PAN2: variants seen among roughly 807,000 people sequenced by gnomAD.
The protein encoded by PAN2 is PAN2-PAN3 deadenylation complex catalytic subunit PAN2.
PAN2 carries 68 observed loss-of-function variants against 133.3 expected under a neutral mutation model. The ratio of observed to expected loss-of-function variants is 0.51; its 90% confidence interval spans 0.42 to 0.62. The LOEUF (loss-of-function observed/expected upper bound fraction) is 0.62, where lower values mean the gene tolerates loss of function less well. Among genes scored for constraint, PAN2 ranks in the 20% least tolerant of loss-of-function variants. The probability of loss-of-function intolerance (pLI) is 0.00; values close to 1 mark genes in which losing one functional copy is unlikely to be tolerated. For missense variants in PAN2, 1,042 were observed against 1,500.5 expected (o/e 0.69, Z 5.05); for synonymous variants, 462 against 544.6 (o/e 0.85, Z 2.11).
intron 8 of PAN2, 95 bp from the exon 9 acceptor site, chr12:56,325,549 G>A: frequency 7.4e-7 from 1 of 1,350,206 alleles, no homozygotes; most frequent in East Asian, 2.3e-5. Context: ...ACCAAGTCCT[G>A]AACCTTCTAT....
rs1200310590 is a variant in PAN2, at chr12:56,326,613, C to A, written c.1262+4G>T. The stretch of plus-strand genomic sequence containing the variant: ...CGCCTTTTGGCCCAGAGGTAGGGTA[C>A]AACCTGGGAGCTGGAGCAGAGTTGG... On this transcript the variant is annotated splice_donor_region_variant and intron_variant, in intron 7 of 25. Transcript: ENST00000440411. 1 of 1,609,178 alleles carries A rather than the reference C, an allele frequency of 6.2e-7. No homozygotes were observed. The highest frequency in any genetic ancestry group is 2.2e-5 in the East Asian group (1 of 44,752).
chr12:56,328,268 A>C lies in PAN2; in HGVS notation c.543T>G (p.Ile181Met). 6.2e-7 allele frequency: 1 copy of C among 1,606,714 alleles called. No homozygotes were observed. The highest frequency in any genetic ancestry group is 2.2e-5 in the East Asian group (1 of 44,800). The change falls in exon 4 of 26, where the codon ATT becomes ATG. Residue 181 changes from isoleucine to methionine, a missense_variant. Ile to Met is a conservative substitution (Grantham distance 10). This residue lies in a region of PAN2 where 908 missense variants were observed against 1,223.5 expected (regional missense o/e 0.74). Coordinates refer to ENST00000440411, the MANE Select transcript of PAN2 (RefSeq NM_014871.6). Reference sequence around the variant, plus strand: ...GAGTCTCCTGGACAGTGTTAAGATCAATCTCTATTATGTGATTCTGCAGCC... The same window carrying C: ...GAGTCTCCTGGACAGTGTTAAGATCCATCTCTATTATGTGATTCTGCAGCC... Reference protein sequence around the residue: ...VGGLQNHIIEIDLNTVQETQK... With the variant: ...VGGLQNHIIEMDLNTVQETQK...
intron 2 of PAN2, among the ~76,000 whole-genome samples, chr12:56,330,704 A>G (rs912080384): frequency 6.6e-6 from 1 of 151,818 alleles, no homozygotes; most frequent in African/African-American, 2.4e-5. Context: ...TGTTGCCCAG[A>G]CTGGTATTGA....
intron 20 of PAN2, among the ~76,000 whole-genome samples, chr12:56,321,720 G>A (rs1179142897): frequency 7.3e-5 from 11 of 151,214 alleles, no homozygotes; most frequent in Non-Finnish European, 1.5e-4. Context: ...GTGTGGTGGT[G>A]GGCGTCTGTA....
At position 56,319,594 on chromosome 12, in the gene PAN2, C is replaced by T. The variant is rs1874265846; in HGVS notation, c.3090+27G>A. ...ACTGTAAGTAAGCACCAGGGTGTGCCTCACTTGCATCTCCATATCCTAATA... is the reference window on the plus strand; with the variant it reads ...ACTGTAAGTAAGCACCAGGGTGTGCTTCACTTGCATCTCCATATCCTAATA... On this transcript the variant is annotated intron_variant, in intron 22 of 25. Transcript: ENST00000440411. The surrounding 1 kb of genome is among the most constrained non-coding windows in gnomAD (Gnocchi z 5.4). 2 of 1,594,972 alleles carry T rather than the reference C, an allele frequency of 1.3e-6. No homozygotes were observed. Among genetic ancestry groups the T allele is most frequent in the African/African-American group, 1.3e-5 (1 of 74,354 alleles).
intron 25 of PAN2, 119 bp downstream of exon 25, chr12:56,318,118 A>G (rs957332769): frequency 1.0e-4 from 82 of 807,758 alleles, no homozygotes; most frequent in Non-Finnish European, 1.6e-4. Context: ...TCGAGGCTGC[A>G]GTGAGCTGTA....
At position 56,332,961 on chromosome 12, in the gene PAN2, G is replaced by A. The variant is rs1876084078; in HGVS notation, c.134C>T (p.Ala45Val). The A allele has an allele frequency of 1.2e-6, 2 of 1,614,150 alleles. No individual in the cohort carries two copies. The highest frequency in any genetic ancestry group is 1.3e-5 in the African/African-American group (1 of 75,034). ...QNVELDPEGV[A>V]LEALPVQESV... ...TTCCTGGACGGGAAGAGCCTCCAAG[G>A]CCACTCCCTCTGGGTCCAGCTCCAC... is the stretch of plus-strand genomic sequence containing the variant. The change falls in exon 2 of 26, where the codon GCC (alanine) becomes GTC (valine). Residue 45 changes from alanine to valine, a missense_variant. Physicochemically the swap from Ala to Val is moderately conservative, Grantham distance 64. Transcript: ENST00000440411.
Position 56,331,711 on chromosome 12 carries a change from T to TTG in PAN2, c.282+1101_282+1102insCA, listed in dbSNP as rs1555167403. 1.5e-4 allele frequency among the ~76,000 whole-genome samples: 21 copies of TTG among 135,890 alleles called. 1 individual carries two copies. Among genetic ancestry groups the TTG allele is most frequent in the South Asian group, 1.2e-3 (5 of 4,166 alleles). 89.1% of individuals were successfully genotyped at this position (135,890 alleles called of 152,430 possible). On this transcript the variant is annotated intron_variant, in intron 2 of 25. Coordinates refer to ENST00000440411, the MANE Select transcript of PAN2 (RefSeq NM_014871.6). ...AAATGAAGGACAGCGTTTTTTTTTT[T>TTG]TTTGTTTTTTGTTTTTTTTTGAGAC... is the stretch of plus-strand genomic sequence containing the variant.
In PAN2 at chr12:56,324,166, C is replaced by T. The variant is rs1430556613; in HGVS notation, c.1948G>A (p.Asp650Asn). ...CTGAAGAGCTGCCCAATAACAGAGT[C>T]CCCCGATGAGCAAAAGCTGCTAAGA... ...AGGSSFCSSG[D>N]SVIGQLFSCE... The change falls in exon 13 of 26, where the codon GAC becomes AAC. Residue 650 changes from aspartate (D) to asparagine (N), a missense_variant. Coordinates refer to ENST00000440411, the MANE Select transcript of PAN2 (RefSeq NM_014871.6). 1.9e-6 allele frequency: 3 copies of T among 1,613,948 alleles called. No individual in the cohort carries two copies. The highest frequency in any genetic ancestry group is 2.2e-5 in the East Asian group (1 of 44,886).
At chr12:56,330,131 C>T (rs2135994233) in intron 2 of PAN2, among the ~76,000 whole-genome samples, 2 of 152,228 alleles carry the variant, frequency 1.3e-5, no homozygotes, top group Admixed American at 1.3e-4. Context: ...AGGCATGGAG[C>T]TCTGCCTCTT....
intron 19 of PAN2, 85 bp from the exon 20 acceptor site, chr12:56,322,253 G>T: frequency 9.3e-7 from 1 of 1,080,000 alleles, no homozygotes; most frequent in Non-Finnish European, 1.4e-6. Flanking sequence ...GGACTCAGGT[G>T]CTAGTTTTTG....
At position 56,322,611 on chromosome 12, in the gene PAN2, T is replaced by C; in HGVS notation, c.2637+4A>G. The stretch of plus-strand genomic sequence containing the variant: ...GTGTTCCTGCCCTCTACAACCTCAC[T>C]CACCTCCTTGCGCTGGTGGTAGGTC... On this transcript the variant is annotated splice_donor_region_variant and intron_variant, in intron 18 of 25. Coordinates refer to ENST00000440411, the MANE Select transcript of PAN2 (RefSeq NM_014871.6). 6.2e-7 allele frequency: 1 copy of C among 1,614,056 alleles called. No individual in the cohort carries two copies. The highest frequency in any genetic ancestry group is 8.5e-7 in the Non-Finnish European group (1 of 1,179,960).
Position 56,328,578 on chromosome 12 carries a change from T to C in PAN2, c.346A>G (p.Ser116Gly), listed in dbSNP as rs779547920. ...CTCTGGATCTGCCGAATATCATCAC[T>C]GCCATTGACTTGAAAGGATGAGTAG... is the stretch of plus-strand genomic sequence containing the variant. ...ERYSSFQVNG[S>G]DDIRQIQSLE... is the part of the protein sequence containing the mutation. The change falls in exon 3 of 26, where the codon AGT becomes GGT. Residue 116 changes from serine to glycine, a missense_variant. This residue lies in a region of PAN2 where 908 missense variants were observed against 1,223.5 expected (regional missense o/e 0.74). Coordinates refer to ENST00000440411, the MANE Select transcript of PAN2 (RefSeq NM_014871.6). The C allele has an allele frequency of 1.2e-6, 2 of 1,614,198 alleles. No individual in the cohort carries two copies. Among genetic ancestry groups the C allele is most frequent in the Admixed American group, 3.3e-5 (2 of 60,034 alleles).
rs752242573 is a variant in PAN2 at position 56,323,630 on chromosome 12, G to T, written c.2173-32C>A. The T allele has an allele frequency of 3.8e-6, 6 of 1,589,628 alleles. No homozygotes were observed. The South Asian group carries it at 6.6e-5, about 18-fold the overall frequency. ...GGAAGAAACAAACAAGGAATGGCAGGGAATGTACAGGAAAAGGAGTCTGGA... is the reference window on the plus strand; with the variant it reads ...GGAAGAAACAAACAAGGAATGGCAGTGAATGTACAGGAAAAGGAGTCTGGA... On this transcript the variant is annotated intron_variant, in intron 14 of 25. Transcript: ENST00000440411.
chr12:56,326,285 C>G, intron 8 of PAN2, 28 bp downstream of exon 8: 9 of 1,550,148 alleles, frequency 5.8e-6, no homozygotes, highest in Non-Finnish European at 7.9e-6. Context: ...GGGCCGGGGT[C>G]GGGGCTGACC....
chr12:56,317,695 T>C, intron 25 of PAN2, 52 bp from the exon 26 acceptor site: 1 of 1,495,856 alleles, frequency 6.7e-7, no homozygotes, highest in Admixed American at 1.7e-5. Flanking sequence ...AGAAAAAGCA[T>C]CTTCTCATAC....
chr12:56,328,645 TA>T lies in PAN2; in HGVS notation c.283-5del, dbSNP rs1875387388. The T allele has an allele frequency of 1.2e-6, 2 of 1,613,726 alleles. No homozygotes were observed. Among genetic ancestry groups the T allele is most frequent in the East Asian group, 4.5e-5 (2 of 44,890 alleles). ...CAAAAAATGAAGTGGCATGGCCCTA[TA>T]GAGGACAAAGACAACAGAGACACTT... On this transcript the variant is annotated splice_region_variant and splice_polypyrimidine_tract_variant and intron_variant, in intron 2 of 25. Transcript: ENST00000440411.
Position 56,326,742 on chromosome 12 carries a change from G to A in PAN2, c.1137C>T (p.Leu379=), listed in dbSNP as rs764287648. Residue 379 remains leucine (L), a synonymous_variant, in exon 7 of 26, where the codon CTC becomes CTT. Transcript: ENST00000440411. ...AGTCCAGAGGAGGCAGTGAGTCCAC[G>A]AGACACGGCAAAGCAAACTCAGTCT... is the stretch of plus-strand genomic sequence containing the variant. The part of the protein sequence containing the change: ...SRETEFALPC[L]VDSLPPLDWS... 10 of 1,614,034 alleles carry A rather than the reference G, an allele frequency of 6.2e-6. No homozygotes were observed. The highest frequency in any genetic ancestry group is 8.5e-6 in the Non-Finnish European group (10 of 1,180,032).
rs201750026 is a variant in PAN2, at chr12:56,324,077, A to G, written c.2037T>C (p.Thr679=). 1.1e-5 allele frequency: 18 copies of G among 1,614,168 alleles called. No individual in the cohort carries two copies. The South Asian group carries it at 1.4e-4, about 13-fold the overall frequency. The change falls in exon 13 of 26, where the codon ACT becomes ACC. Residue 679 remains threonine, a synonymous_variant. Transcript: ENST00000440411. ...CAGGGTAGGAGAGTGTGAAAAGCAG[A>G]GTGGATGAGGCTCGCACGGTCTCAC... ...CGSETVRASS[T]LLFTLSYPDD... is the part of the protein sequence containing the mutation.
Sources: gnomAD v4.1 joint callset for allele counts (sites outside exome capture counted in the v4.1 genomes callset) on GRCh38, gnomAD v4.1.1 for gene constraint, gnomAD v4.1.1 regional missense constraint, Gnocchi (gnomAD v3.1) non-coding constraint, MANE v1.5 for transcripts, NCBI Gene and HGNC (gene_info 2026-07-23, HGNC 2026-07-21) for gene names.